Variants in SAE1 observed in about 807,000 individuals in gnomAD.
The protein encoded by SAE1 is SUMO-activating enzyme subunit 1.
A neutral mutation model predicts 40.6 loss-of-function variants in SAE1; 11 were observed. The observed-to-expected ratio is 0.27, with a 90% confidence interval of 0.17 to 0.45. The LOEUF (loss-of-function observed/expected upper bound fraction) is 0.45, where lower values mean the gene tolerates loss of function less well. Among genes scored for constraint, SAE1 ranks in the 20% least tolerant of loss-of-function variants. The pLI is 1.00. For synonymous variants in SAE1, 155 were observed against 154.3 expected (o/e 1.00, Z -0.03); for missense variants, 373 against 427.3 (o/e 0.87, Z 1.12).
intron 3 of SAE1, among the ~76,000 whole-genome samples, chr19:47,151,527 A>AC (rs2058287954): frequency 6.6e-6 from 1 of 151,860 alleles, no homozygotes; most frequent in Admixed American, 6.6e-5. Flanking sequence ...GCTGGAGTGC[A>AC]GTGGCATGAT....
intron 5 of SAE1, among the ~76,000 whole-genome samples, chr19:47,168,076 C>G (rs2058405689): frequency 6.6e-6 from 1 of 152,030 alleles, no homozygotes; most frequent in Admixed American, 6.6e-5. Flanking sequence ...ATCTGTAATC[C>G]CAGCTACTGG....
In SAE1 at chr19:47,155,227, G is replaced by C. The variant is rs1357349993; in HGVS notation, c.627+14G>C. On this transcript the variant is annotated intron_variant, in intron 5 of 8. Coordinates refer to ENST00000270225, the MANE Select transcript of SAE1 (RefSeq NM_005500.3). ...ATGGTCAAAAAGGTATGTGTAACGT[G>C]GGGGCAGAGGTCAGAAACCCTGGGG... 4 of 1,566,298 alleles carry C rather than the reference G, an allele frequency of 2.6e-6. No homozygotes were observed. The highest frequency in any genetic ancestry group is 1.7e-5 in the Admixed American group (1 of 59,612).
At chr19:47,149,149 G>C (rs965345134) in intron 2 of SAE1, among the ~76,000 whole-genome samples, 4 of 150,002 alleles carry the variant, frequency 2.7e-5, no homozygotes, top group Non-Finnish European at 5.9e-5. Flanking sequence ...ACTGTGCCAG[G>C]CTGCACTGGT....
chr19:47,200,616 C>G (rs537732735), intron 7 of SAE1, among the ~76,000 whole-genome samples: 2 of 152,116 alleles, frequency 1.3e-5, no homozygotes, highest in Non-Finnish European at 2.9e-5. Flanking sequence ...TCAAGCCATC[C>G]TTCTGCCTTG....
At chr19:47,177,333 T>G (rs1412430843) in intron 6 of SAE1, among the ~76,000 whole-genome samples, 1 of 152,214 alleles carries the variant, frequency 6.6e-6, no homozygotes, top group Admixed American at 6.5e-5. Context: ...CTATAGAAAC[T>G]ATCATGTGTT....
Position 47,209,926 on chromosome 19 carries a change from T to C in SAE1, c.*675T>C, listed in dbSNP as rs1404573894. 4 of 152,260 alleles carry C rather than the reference T, an allele frequency of 2.6e-5. No individual in the cohort carries two copies. Among genetic ancestry groups the C allele is most frequent in the African/African-American group, 9.7e-5 (4 of 41,444 alleles). The allele number at this position is 152,260 out of a possible 1,614,324, so 9.4% of individuals were successfully genotyped here. On this transcript the variant is annotated 3_prime_UTR_variant, in exon 9 of 9. Transcript: ENST00000270225. ...AAAGGAGATGCTACCAAGTCTTGGA[T>C]GTTAGGGCGAGACCCTGCAAGTTGA...
intron 1 of SAE1, among the ~76,000 whole-genome samples, chr19:47,136,262 C>A (rs543841230): frequency 2.0e-5 from 3 of 151,946 alleles, no homozygotes; most frequent in Admixed American, 6.6e-5. Flanking sequence ...CCTAAGCCTC[C>A]CAAGTAGCTG....
intron 5 of SAE1, among the ~76,000 whole-genome samples, chr19:47,164,639 C>CA (rs2058379140): frequency 2.6e-5 from 2 of 78,388 alleles, no homozygotes; most frequent in Non-Finnish European, 2.4e-5. Context: ...GAGAATTCAC[C>CA]TTTTTTTTTT....
intron 2 of SAE1, among the ~76,000 whole-genome samples, chr19:47,146,990 G>C (rs2058258483): frequency 6.6e-6 from 1 of 152,074 alleles, no homozygotes; most frequent in Admixed American, 6.6e-5. Flanking sequence ...AATAACAGCA[G>C]ATTTTGGTAG....
rs1259495141 is a variant in SAE1 at position 47,139,878 on chromosome 19, G to A, written c.99-3616G>A. The stretch of plus-strand genomic sequence containing the variant: ...GGCCTCCCAAAGTGTTGGGATTATA[G>A]GCGTGAGGCACCGTGCCCTGCTGAA... On this transcript the variant is annotated intron_variant, in intron 1 of 8. Coordinates refer to ENST00000270225, the MANE Select transcript of SAE1 (RefSeq NM_005500.3). Among the ~76,000 whole-genome samples, 5 of 150,870 alleles carry A rather than the reference G, an allele frequency of 3.3e-5. 1 individual carries two copies. The highest frequency in any genetic ancestry group is 3.3e-4 in the Admixed American group (5 of 15,110).
At chr19:47,141,747 A>G (rs1004892795) in intron 1 of SAE1, among the ~76,000 whole-genome samples, 1 of 152,144 alleles carries the variant, frequency 6.6e-6, no homozygotes, top group Non-Finnish European at 1.5e-5. Flanking sequence ...ATTAATAGCA[A>G]ACTCTTACCA....
intron 6 of SAE1, among the ~76,000 whole-genome samples, chr19:47,170,419 T>G (rs1335759905): frequency 6.6e-6 from 1 of 151,428 alleles, no homozygotes; most frequent in African/African-American, 2.4e-5. Flanking sequence ...TTCACCATGA[T>G]GCCCAGGCCC....
At chr19:47,163,619 C>T (rs1250190618) in intron 5 of SAE1, among the ~76,000 whole-genome samples, 1 of 152,036 alleles carries the variant, frequency 6.6e-6, no homozygotes, top group Admixed American at 6.6e-5. Flanking sequence ...CCCAGCTACT[C>T]AGGAGGCTGA....
intron 7 of SAE1, among the ~76,000 whole-genome samples, chr19:47,198,735 C>A (rs2058632731): frequency 6.6e-6 from 1 of 152,124 alleles, no homozygotes; most frequent in African/African-American, 2.4e-5. Context: ...AACAGCAAAC[C>A]CCACTCCATT....
At position 47,143,540 on chromosome 19, in the gene SAE1, G is replaced by T. The variant is rs1210612258; in HGVS notation, c.145G>T (p.Ala49Ser). 1 of 1,613,998 alleles carries T rather than the reference G, an allele frequency of 6.2e-7. No individual in the cohort carries two copies. The highest frequency in any genetic ancestry group is 1.3e-5 in the African/African-American group (1 of 74,894). ...TCTTGTCGGCTTGAAAGGACTTGGG[G>T]CTGAAATTGCCAAGAATCTCATCTT... ...VLLVGLKGLG[A>S]EIAKNLILAG... The change falls in exon 2 of 9, where the codon GCT (alanine) becomes TCT (serine). Residue 49 changes from alanine to serine, a missense_variant. Transcript: ENST00000270225.
chr19:47,131,871 T>C (rs973208670), intron 1 of SAE1, among the ~76,000 whole-genome samples: 9 of 151,732 alleles, frequency 5.9e-5, no homozygotes, highest in Admixed American at 3.3e-4. Flanking sequence ...CGGCTAATTT[T>C]TGTATTTTTA....
At chr19:47,196,619 C>T (rs1384779681) in intron 6 of SAE1, among the ~76,000 whole-genome samples, 1 of 151,502 alleles carries the variant, frequency 6.6e-6, no homozygotes, top group African/African-American at 2.4e-5. Flanking sequence ...GCCTCGGCCT[C>T]CCAAAGTGCT....
At chr19:47,152,778 C>T in intron 3 of SAE1, 120 bp from the exon 4 acceptor site, 3 of 912,464 alleles carry the variant, frequency 3.3e-6, no homozygotes, top group Non-Finnish European at 4.9e-6. Context: ...CCTGTTGTAC[C>T]AGTTTGAAAC....
At chr19:47,192,472 C>T (rs1027322461) in intron 6 of SAE1, among the ~76,000 whole-genome samples, 3 of 152,044 alleles carry the variant, frequency 2.0e-5, no homozygotes, top group Admixed American at 2.0e-4. Flanking sequence ...TGGTCTTGAA[C>T]CCCTGACCTC....
Sources: gnomAD v4.1 joint callset for allele counts (sites outside exome capture counted in the v4.1 genomes callset) on GRCh38, gnomAD v4.1.1 for gene constraint, MANE v1.5 for transcripts, NCBI Gene and HGNC (gene_info 2026-07-23, HGNC 2026-07-21) for gene names.